NCALD: variants seen among roughly 807,000 people sequenced by gnomAD.
NCALD encodes the protein neurocalcin delta.
NCALD carries 10 observed loss-of-function variants against 18.6 expected under a neutral mutation model. The observed-to-expected ratio is 0.54, with a 90% CI of 0.33 to 0.91. The LOEUF (loss-of-function observed/expected upper bound fraction) is 0.91. Ranked by LOEUF, NCALD falls within the 40% of genes least tolerant of loss-of-function variation. The pLI is 0.03. For missense variants in NCALD, 184 were observed against 247.6 expected (o/e 0.74, Z 1.72); for synonymous variants, 88 against 87.4 (o/e 1.01, Z -0.04).
At chr8:101,980,389 G>T (rs1820574799) in intron 2 of NCALD, among the ~76,000 whole-genome samples, 2 of 152,184 alleles carry the variant, frequency 1.3e-5, no homozygotes, top group South Asian at 4.1e-4. Flanking sequence ...GTTAAGCAAG[G>T]AGGCCGGATT....
upstream of NCALD, among the ~76,000 whole-genome samples, chr8:101,794,501 A>C (rs1250197084): frequency 6.6e-6 from 1 of 152,242 alleles, no homozygotes; most frequent in Non-Finnish European, 1.5e-5. Flanking sequence ...CAAGTAAATC[A>C]AACTTAACCC....
intron 4 of NCALD, among the ~76,000 whole-genome samples, chr8:101,844,383 G>A (rs1223468333): frequency 1.1e-4 from 17 of 149,518 alleles, no homozygotes; most frequent in Non-Finnish European, 1.0e-4. Context: ...TCTTAGAGAT[G>A]AGGGTCTGGC....
intron 1 of NCALD, among the ~76,000 whole-genome samples, chr8:102,067,049 G>A (rs1377699727): frequency 6.6e-6 from 1 of 152,192 alleles, no homozygotes; most frequent in Non-Finnish European, 1.5e-5. Context: ...GATTCCAGAA[G>A]ACTGAAAGAA....
intron 2 of NCALD, among the ~76,000 whole-genome samples, chr8:101,976,384 G>A (rs550532459): frequency 4.6e-5 from 7 of 152,078 alleles, no homozygotes; most frequent in Admixed American, 1.3e-4. Context: ...GACTAATAAC[G>A]ACCTACTCTC....
At chr8:101,945,184 C>T (rs978947752) in intron 2 of NCALD, among the ~76,000 whole-genome samples, 5 of 152,144 alleles carry the variant, frequency 3.3e-5, no homozygotes, top group African/African-American at 1.2e-4. Flanking sequence ...CATGACTTTC[C>T]TCATTATGGT....
At chr8:102,062,191 G>A (rs1459634713) in intron 1 of NCALD, among the ~76,000 whole-genome samples, 2 of 152,150 alleles carry the variant, frequency 1.3e-5, no homozygotes, top group African/African-American at 2.4e-5. Flanking sequence ...ATCACTTGAG[G>A]CCAGGAGAGG....
rs548678318 is a variant in NCALD at position 102,109,393 on chromosome 8, C to T, written c.-210+14844G>A. ...AGCAATCAGTTTGGCCCCTTATTTC[C>T]TCCTCATCCTACACAAAAATAAATT... On this transcript the variant is annotated intron_variant, in intron 1 of 6. Coordinates refer to the NCALD transcript ENST00000311028. Among the ~76,000 whole-genome samples, 6 of 151,920 alleles carry T rather than the reference C, an allele frequency of 3.9e-5. No individual in the cohort carries two copies. The East Asian group carries it at 9.7e-4, about 24-fold the overall frequency.
At chr8:101,955,540 G>C (rs1273105394) in intron 2 of NCALD, among the ~76,000 whole-genome samples, 2 of 152,154 alleles carry the variant, frequency 1.3e-5, no homozygotes, top group African/African-American at 4.8e-5. Flanking sequence ...AGTAAGTTAA[G>C]GACTCTAGGA....
At chr8:101,902,145 G>A (rs537265980) in intron 3 of NCALD, among the ~76,000 whole-genome samples, 10 of 152,080 alleles carry the variant, frequency 6.6e-5, no homozygotes, top group Admixed American at 2.0e-4. Context: ...CCATAGATCC[G>A]TGCCCTCTTT....
intron 4 of NCALD, among the ~76,000 whole-genome samples, chr8:101,824,283 CA>C (rs1813840414): frequency 6.6e-6 from 1 of 152,096 alleles, no homozygotes; most frequent in African/African-American, 2.4e-5. Flanking sequence ...CCTTTTGTAC[CA>C]GGGTCCTGAT....
chr8:102,030,204 C>T (rs1032731886), intron 1 of NCALD, among the ~76,000 whole-genome samples: 1 of 152,144 alleles, frequency 6.6e-6, no homozygotes, highest in African/African-American at 2.4e-5. Context: ...GGGTGTGCCC[C>T]ACTCTTCAAA....
chr8:102,082,455 A>C, intron 1 of NCALD, among the ~76,000 whole-genome samples: 1 of 151,916 alleles, frequency 6.6e-6, no homozygotes, highest in East Asian at 1.9e-4. Context: ...TACAAATGAA[A>C]GGAGCTTCTT....
chr8:101,740,219 A>T (rs1423511684), intron 1 of NCALD, among the ~76,000 whole-genome samples: 1 of 152,242 alleles, frequency 6.6e-6, no homozygotes, highest in Non-Finnish European at 1.5e-5. Flanking sequence ...TGTTACCACT[A>T]ACATCTGCTG....
intron 1 of NCALD, among the ~76,000 whole-genome samples, chr8:102,090,283 A>G (rs544246876): frequency 6.6e-6 from 1 of 152,332 alleles, no homozygotes; most frequent in Non-Finnish European, 1.5e-5. Flanking sequence ...CACAGAAGTA[A>G]CCAAATTTCC....
intron 2 of NCALD, 35 bp downstream of exon 2, chr8:101,719,217 T>C (rs1816234203): frequency 6.3e-7 from 1 of 1,591,788 alleles, no homozygotes; most frequent in South Asian, 1.2e-5. Flanking sequence ...TTGAGATACA[T>C]GCCCTTCTTT....
At chr8:101,867,372 C>T (rs942025713) in intron 4 of NCALD, among the ~76,000 whole-genome samples, 14 of 152,298 alleles carry the variant, frequency 9.2e-5, no homozygotes, top group African/African-American at 3.1e-4. Flanking sequence ...TCTTATTCAC[C>T]GCTTTCCCCC....
At chr8:101,888,912 G>C (rs924100816) in intron 3 of NCALD, among the ~76,000 whole-genome samples, 1 of 152,126 alleles carries the variant, frequency 6.6e-6, no homozygotes, top group African/African-American at 2.4e-5. Flanking sequence ...ATTGCCAGTT[G>C]CCTATCCAAT....
intron 1 of NCALD, among the ~76,000 whole-genome samples, chr8:101,774,424 T>C (rs527474677): frequency 4.3e-4 from 66 of 152,318 alleles, no homozygotes; most frequent in African/African-American, 1.5e-3. Context: ...CATTAATTTA[T>C]TACCCTTGAG....
intron 1 of NCALD, among the ~76,000 whole-genome samples, chr8:101,731,243 C>T (rs184355604): frequency 1.3e-5 from 2 of 152,196 alleles, no homozygotes; most frequent in East Asian, 1.9e-4. Flanking sequence ...CACCATCATG[C>T]GGGGCCAGGT....
Sources: allele counts gnomAD v4.1 joint callset (sites outside exome capture counted in the v4.1 genomes callset), GRCh38; gene constraint gnomAD v4.1.1; transcripts MANE v1.5; gene names NCBI Gene and HGNC (gene_info 2026-07-23, HGNC 2026-07-21).